Variants in SOX5 observed in about 807,000 individuals in gnomAD.
The protein encoded by SOX5 is transcription factor SOX-5.
A neutral mutation model predicts 92.0 loss-of-function variants in SOX5; 9 were observed. That is an observed-to-expected ratio of 0.10 (90% CI 0.06 to 0.17). The LOEUF (loss-of-function observed/expected upper bound fraction) is 0.17, where lower values mean the gene tolerates loss of function less well. Ranked by LOEUF, SOX5 falls within the 10% of genes least tolerant of loss-of-function variation. The pLI is 1.00. For synonymous variants in SOX5, 344 were observed against 336.3 expected, an observed-to-expected ratio of 1.02 and a Z score of -0.25; for missense variants, 642 against 944.5, an observed-to-expected ratio of 0.68 and a Z score of 4.20.
At chr12:23,686,333 CAGTA>C (rs2087580357) in intron 6 of SOX5, among the ~76,000 whole-genome samples, 3 of 152,178 alleles carry the variant, frequency 2.0e-5, no homozygotes, top group Admixed American at 6.5e-5. Flanking sequence ...CCTGTAGCCC[CAGTA>C]AGTGTTTTAT....
At chr12:24,301,955 A>G (rs1229271944) in intron 2 of SOX5, among the ~76,000 whole-genome samples, 2 of 152,136 alleles carry the variant, frequency 1.3e-5, no homozygotes, top group South Asian at 2.1e-4. Context: ...TACAAAGTAT[A>G]TATATATATA....
chr12:24,163,766 T>A (rs1242549784), intron 4 of SOX5, among the ~76,000 whole-genome samples: 1 of 152,030 alleles, frequency 6.6e-6, no homozygotes, highest in Non-Finnish European at 1.5e-5. Context: ...TCTTGTTCAG[T>A]GCTTTTATCT....
chr12:24,053,517 C>A (rs921095688), intron 4 of SOX5, among the ~76,000 whole-genome samples: 7 of 152,166 alleles, frequency 4.6e-5, no homozygotes, highest in Admixed American at 4.6e-4. Context: ...AAAATGGGCA[C>A]TGTTTACTCT....
At chr12:24,396,230 TG>T (rs1959922891) in intron 1 of SOX5, among the ~76,000 whole-genome samples, 1 of 152,222 alleles carries the variant, frequency 6.6e-6, no homozygotes, top group Non-Finnish European at 1.5e-5. Flanking sequence ...TTTCATTTGC[TG>T]ATGTTAATTC....
intron 3 of SOX5, among the ~76,000 whole-genome samples, chr12:23,809,649 C>A: frequency 6.7e-6 from 1 of 149,724 alleles, no homozygotes; most frequent in East Asian, 2.0e-4. Context: ...CAAATTCAAT[C>A]TTGCTTAACC....
At chr12:23,548,764 C>T (rs1053071402) in intron 11 of SOX5, among the ~76,000 whole-genome samples, 1 of 151,880 alleles carries the variant, frequency 6.6e-6, no homozygotes, top group African/African-American at 2.4e-5. Context: ...TCCTATAAAG[C>T]TGACACATAG....
intron 8 of SOX5, 88 bp from the exon 9 acceptor site, chr12:23,604,621 G>T: frequency 7.6e-7 from 1 of 1,310,260 alleles, no homozygotes; most frequent in Non-Finnish European, 1.1e-6. Flanking sequence ...ATTCAGATAT[G>T]GTATTTTTCC....
chr12:24,068,262 T>C (rs1019147876), intron 4 of SOX5, among the ~76,000 whole-genome samples: 1 of 152,156 alleles, frequency 6.6e-6, no homozygotes, highest in African/African-American at 2.4e-5. Context: ...GAAAAAGAAT[T>C]AGAGATTCGA....
intron 4 of SOX5, among the ~76,000 whole-genome samples, chr12:24,154,242 C>A (rs1951941005): frequency 1.3e-5 from 2 of 152,096 alleles, no homozygotes; most frequent in African/African-American, 4.8e-5. Context: ...ATGGAAACAT[C>A]TGTTATTGAG....
intron 7 of SOX5, among the ~76,000 whole-genome samples, chr12:23,645,388 G>T (rs2080701648): frequency 6.6e-6 from 1 of 152,164 alleles, no homozygotes. Flanking sequence ...AAGACAAGGA[G>T]TTGGGAAACT....
At chr12:23,820,133 G>T (rs1375202054) in intron 3 of SOX5, among the ~76,000 whole-genome samples, 1 of 152,216 alleles carries the variant, frequency 6.6e-6, no homozygotes, top group Admixed American at 6.5e-5. Flanking sequence ...TAACTGGTGT[G>T]AGATGGTATC....
chr12:23,986,415 A>C (rs1220608365), intron 4 of SOX5, among the ~76,000 whole-genome samples: 2 of 152,186 alleles, frequency 1.3e-5, no homozygotes, highest in African/African-American at 4.8e-5. Context: ...AGGACTTATT[A>C]TCACTTTAGG....
At chr12:24,094,541 T>C (rs572156594) in intron 4 of SOX5, among the ~76,000 whole-genome samples, 2 of 152,110 alleles carry the variant, frequency 1.3e-5, no homozygotes, top group Non-Finnish European at 2.9e-5. Context: ...ACTCATTGTT[T>C]CCTTTATGAA....
At chr12:24,234,372 A>G (rs548287883) in intron 3 of SOX5, among the ~76,000 whole-genome samples, 1 of 152,306 alleles carries the variant, frequency 6.6e-6, no homozygotes, top group South Asian at 2.1e-4. Flanking sequence ...CCACATATTT[A>G]CCTATCATGT....
intron 1 of SOX5, among the ~76,000 whole-genome samples, chr12:24,387,351 AT>A (rs549235390): frequency 6.6e-6 from 1 of 152,032 alleles, no homozygotes; most frequent in Non-Finnish European, 1.5e-5. Context: ...AAACATTGAG[AT>A]TTTTTTGCAA....
intron 1 of SOX5, among the ~76,000 whole-genome samples, chr12:24,372,284 C>A (rs566542661): frequency 6.6e-6 from 1 of 152,140 alleles, no homozygotes; most frequent in Non-Finnish European, 1.5e-5. Context: ...TCCCCACTAG[C>A]CCCCCAGCCC....
At chr12:23,945,383 T>C (rs2139674281) in intron 1 of SOX5, among the ~76,000 whole-genome samples, 1 of 152,244 alleles carries the variant, frequency 6.6e-6, no homozygotes. Flanking sequence ...TATTTGCACA[T>C]TTCTGTGTCT....
chr12:23,612,524 A>AT (rs2076091003), intron 8 of SOX5, among the ~76,000 whole-genome samples: 1 of 152,160 alleles, frequency 6.6e-6, no homozygotes, highest in African/African-American at 2.4e-5. Flanking sequence ...AATCTTGATG[A>AT]TTAATAGCAC....
At chr12:24,007,071 T>C (rs1952275150) in intron 4 of SOX5, among the ~76,000 whole-genome samples, 2 of 147,374 alleles carry the variant, frequency 1.4e-5, no homozygotes, top group South Asian at 4.2e-4. Context: ...AGGTGGAGGT[T>C]GCAGTGAGCT....
Sources: allele counts gnomAD v4.1 joint callset (sites outside exome capture counted in the v4.1 genomes callset), GRCh38; gene constraint gnomAD v4.1.1; transcripts MANE v1.5; gene names NCBI Gene and HGNC (gene_info 2026-07-23, HGNC 2026-07-21).